The following RPRD1A variants were observed in gnomAD, a reference collection of about 807,000 sequenced individuals.
RPRD1A encodes regulation of nuclear pre-mRNA domain containing 1A.
In RPRD1A, 9 loss-of-function variants were observed where a neutral mutation model predicts 37.8. The observed-to-expected ratio is 0.24, with a 90% CI of 0.14 to 0.42. The LOEUF (loss-of-function observed/expected upper bound fraction) is 0.42. RPRD1A is among the 10% of genes least tolerant of loss of function. The pLI, the probability that RPRD1A is intolerant of heterozygous loss-of-function variation, is 1.00. For synonymous variants in RPRD1A, 138 were observed against 139.7 expected, an observed-to-expected ratio of 0.99 and a Z score of 0.08; for missense variants, 255 against 371.0, an observed-to-expected ratio of 0.69 and a Z score of 2.57.
intron 4 of RPRD1A, among the ~76,000 whole-genome samples, chr18:36,029,441 G>A (rs535815796): frequency 6.6e-6 from 1 of 152,116 alleles, no homozygotes; most frequent in Non-Finnish European, 1.5e-5. Context: ...CGGGACCAGG[G>A]CTCAGCAGGA....
intron 1 of RPRD1A, among the ~76,000 whole-genome samples, chr18:36,062,343 A>AC (rs2088931961): frequency 6.6e-6 from 1 of 151,044 alleles, no homozygotes; most frequent in Non-Finnish European, 1.5e-5. Context: ...AAAAAAAAAA[A>AC]AAAAACATGT....
intron 2 of RPRD1A, 90 bp downstream of exon 2, chr18:36,033,618 T>G: frequency 1.8e-6 from 2 of 1,103,642 alleles, no homozygotes; most frequent in African/African-American, 1.6e-5. Context: ...ATTCCCTACT[T>G]TTTATTTTAA....
rs780443035 is a variant in RPRD1A, at chr18:36,026,929, C to T, written c.760G>A (p.Ala254Thr). ...LADFLRCQKE[A>T]LAEKEHKLEE... is the part of the protein sequence containing the mutation. ...AATTTATGCTCTTTCTCTGCAAGGG[C>T]TTCCTTTTGACAACGAAGAAAATCT... Residue 254 changes from alanine (A) to threonine (T), a missense_variant, in exon 6 of 7, where the codon GCC (alanine) becomes ACC (threonine). By Grantham distance (58) the Ala-to-Thr change is moderately conservative. This residue lies in a region of RPRD1A where 211 missense variants were observed against 268.9 expected (regional missense o/e 0.78). Transcript: ENST00000399022. 3.1e-6 allele frequency: 5 copies of T among 1,613,788 alleles called. No individual in the cohort carries two copies. The highest frequency in any genetic ancestry group is 4.2e-6 in the Non-Finnish European group (5 of 1,179,822).
At chr18:36,035,776 T>C (rs555113151) in intron 1 of RPRD1A, among the ~76,000 whole-genome samples, 12 of 152,308 alleles carry the variant, frequency 7.9e-5, no homozygotes, top group East Asian at 1.9e-4. Flanking sequence ...GAAGGAAATG[T>C]TGACGCATGT....
chr18:35,999,420 T>C (rs1909284539), intron 6 of RPRD1A, among the ~76,000 whole-genome samples: 1 of 152,232 alleles, frequency 6.6e-6, no homozygotes, highest in Non-Finnish European at 1.5e-5. Flanking sequence ...ATTGTGGTTA[T>C]CATTCTGAGA....
At chr18:36,062,975 T>C (rs2088946764) in intron 1 of RPRD1A, 1 of 152,182 alleles carries the variant, frequency 6.6e-6, no homozygotes, top group Admixed American at 6.5e-5. Flanking sequence ...AATGGTCACT[T>C]ACATTTTTGG....
At chr18:36,016,274 G>A (rs763885140) in intron 6 of RPRD1A, among the ~76,000 whole-genome samples, 7 of 152,096 alleles carry the variant, frequency 4.6e-5, no homozygotes, top group Admixed American at 2.0e-4. Context: ...CCAGGCTGGA[G>A]TGCAATGGCA....
intron 1 of RPRD1A, among the ~76,000 whole-genome samples, chr18:36,042,798 G>A (rs1912677798): frequency 7.2e-5 from 11 of 152,074 alleles, no homozygotes; most frequent in Admixed American, 7.2e-4. Context: ...CAAAAGTATG[G>A]GTGAGATGAC....
intron 1 of RPRD1A, among the ~76,000 whole-genome samples, chr18:36,053,073 G>A (rs771113009): frequency 6.6e-6 from 1 of 152,138 alleles, no homozygotes; most frequent in Non-Finnish European, 1.5e-5. Context: ...GTTGTCATGA[G>A]AGTCTGGAGA....
Position 36,030,829 on chromosome 18 carries a change from T to C in RPRD1A, c.465A>G (p.Gly155=). The part of the protein sequence containing the change: ...VDENENCSSL[G]SPSEPPQTLD... ...CTACCTGTGGTGGTTCACTTGGAGA[T>C]CCCAGAGAGGAACAGTTTTCATTTT... Residue 155 remains glycine, a synonymous_variant, in exon 4 of 7, where the codon GGA becomes GGG. Transcript: ENST00000399022. 6.2e-7 allele frequency: 1 copy of C among 1,612,448 alleles called. No homozygotes were observed. The highest frequency in any genetic ancestry group is 8.5e-7 in the Non-Finnish European group (1 of 1,178,808).
chr18:36,020,785 G>C (rs1598619930), intron 6 of RPRD1A, among the ~76,000 whole-genome samples: 1 of 151,902 alleles, frequency 6.6e-6, no homozygotes, highest in Admixed American at 6.6e-5. Flanking sequence ...CTGTACTCCA[G>C]TGTGGATGAC....
At chr18:36,015,206 T>TCAC (rs1910461027) in intron 6 of RPRD1A, among the ~76,000 whole-genome samples, 1 of 78,594 alleles carries the variant, frequency 1.3e-5, no homozygotes, top group Admixed American at 1.2e-4. Context: ...ACACACACAT[T>TCAC]CACATACTTT....
chr18:35,992,877 C>CAA lies in RPRD1A; in HGVS notation c.*272_*273dup. 3 of 252,810 alleles carry CAA rather than the reference C, an allele frequency of 1.2e-5. No individual in the cohort carries two copies. The highest frequency in any genetic ancestry group is 2.2e-5 in the Non-Finnish European group (3 of 136,150). The allele number at this position is 252,810 out of a possible 1,614,324, so 15.7% of individuals were successfully genotyped here. On this transcript the variant is annotated 3_prime_UTR_variant, in exon 7 of 7. Transcript: ENST00000399022. ...AGAGATTTCTCACAAGGCCTTGGAT[C>CAA]AAAAAAAAAATTTACAAAAAGATCT... is the stretch of plus-strand genomic sequence containing the variant.
chr18:36,048,663 A>T (rs1221133363), intron 1 of RPRD1A, among the ~76,000 whole-genome samples: 2 of 152,082 alleles, frequency 1.3e-5, no homozygotes, highest in Non-Finnish European at 2.9e-5. Flanking sequence ...AAAGAAAAAA[A>T]AAACCTACAG....
chr18:36,041,405 C>T (rs780064519), intron 1 of RPRD1A, among the ~76,000 whole-genome samples: 7 of 152,142 alleles, frequency 4.6e-5, no homozygotes, highest in Non-Finnish European at 7.3e-5. Context: ...GGCCTATCTC[C>T]AACTTACTAG....
chr18:36,035,455 T>C (rs1222578217), intron 1 of RPRD1A, among the ~76,000 whole-genome samples: 6 of 152,098 alleles, frequency 3.9e-5, no homozygotes, highest in Admixed American at 2.0e-4. Context: ...AGGGAAATAA[T>C]GAGGAAGAGA....
chr18:36,064,843 A>T (rs936802469), intron 1 of RPRD1A, among the ~76,000 whole-genome samples: 7 of 152,088 alleles, frequency 4.6e-5, no homozygotes, highest in Non-Finnish European at 8.8e-5. Flanking sequence ...TGCCGCCTTT[A>T]TGAGCTGTAA....
intron 4 of RPRD1A, 99 bp from the exon 5 acceptor site, chr18:36,027,409 G>A: frequency 7.9e-7 from 1 of 1,273,600 alleles, no homozygotes; most frequent in Non-Finnish European, 1.1e-6. Context: ...CTATTTACTA[G>A]TACAAAGCTC....
chr18:36,066,330 G>A (rs2089030701), intron 1 of RPRD1A, among the ~76,000 whole-genome samples: 2 of 152,286 alleles, frequency 1.3e-5, no homozygotes, highest in East Asian at 1.9e-4. Context: ...GTAAGCAAGC[G>A]TCTATTTTGA....
Sources: allele counts gnomAD v4.1 joint callset (sites outside exome capture counted in the v4.1 genomes callset), GRCh38; gene constraint gnomAD v4.1.1; regional missense constraint gnomAD v4.1.1; transcripts MANE v1.5; gene names NCBI Gene and HGNC (gene_info 2026-07-23, HGNC 2026-07-21).